Variants in CFAP299 observed in about 807,000 individuals in gnomAD.
CFAP299 encodes cilia- and flagella-associated protein 299.
A neutral mutation model predicts 27.0 loss-of-function variants in CFAP299; 21 were observed. That is an observed-to-expected ratio of 0.78 (90% CI 0.55 to 1.12). CFAP299 has a LOEUF of 1.12. Ranked by LOEUF, CFAP299 falls within the 50% of genes most tolerant of loss-of-function variation. The pLI, the probability that CFAP299 is intolerant of heterozygous loss-of-function variation, is 0.00. For synonymous variants in CFAP299, 104 were observed against 98.1 expected, an observed-to-expected ratio of 1.06 and a Z score of -0.36; for missense variants, 310 against 276.6, an observed-to-expected ratio of 1.12 and a Z score of -0.86.
chr4:80,802,594 A>G (rs899850690), intron 3 of CFAP299, among the ~76,000 whole-genome samples: 2 of 152,036 alleles, frequency 1.3e-5, no homozygotes, highest in African/African-American at 4.8e-5. Context: ...TTTGAAACCT[A>G]TAGTATATAG....
At chr4:80,497,718 A>C (rs1353910229) in intron 2 of CFAP299, among the ~76,000 whole-genome samples, 1 of 152,186 alleles carries the variant, frequency 6.6e-6, no homozygotes, top group Non-Finnish European at 1.5e-5. Context: ...ACTGCATATT[A>C]TGAACAACAT....
intron 3 of CFAP299, among the ~76,000 whole-genome samples, chr4:80,724,987 G>A (rs1723071220): frequency 6.9e-6 from 1 of 145,514 alleles, no homozygotes; most frequent in Admixed American, 7.1e-5. Context: ...TTGCTGTGTT[G>A]CCCATGCTGG....
intron 2 of CFAP299, among the ~76,000 whole-genome samples, chr4:80,486,575 A>T (rs923386086): frequency 1.3e-5 from 2 of 152,228 alleles, no homozygotes; most frequent in Admixed American, 6.5e-5. Flanking sequence ...ATCTGTGAGG[A>T]TGCAATGCAA....
At chr4:80,628,406 A>G (rs1739027087) in intron 3 of CFAP299, among the ~76,000 whole-genome samples, 1 of 152,118 alleles carries the variant, frequency 6.6e-6, no homozygotes, top group Non-Finnish European at 1.5e-5. Context: ...GAGAAAAACT[A>G]TGACATTTAT....
chr4:80,354,656 ATCT>A (rs1225391507), intron 1 of CFAP299, among the ~76,000 whole-genome samples: 1 of 151,988 alleles, frequency 6.6e-6, no homozygotes, highest in Non-Finnish European at 1.5e-5. Flanking sequence ...GTTTTTCCTG[ATCT>A]TCTTCCTTCT....
intron 2 of CFAP299, among the ~76,000 whole-genome samples, chr4:80,558,564 A>G (rs1466395383): frequency 1.3e-5 from 2 of 151,924 alleles, no homozygotes. Flanking sequence ...TTGACTCAGA[A>G]TAGTTAAAAT....
chr4:80,562,303 A>T (rs1310384103), intron 2 of CFAP299, among the ~76,000 whole-genome samples: 1 of 152,076 alleles, frequency 6.6e-6, no homozygotes, highest in Non-Finnish European at 1.5e-5. Flanking sequence ...TTACGTATCA[A>T]TAATAACATT....
chr4:80,575,122 T>C (rs1735786789), intron 2 of CFAP299, among the ~76,000 whole-genome samples: 2 of 152,236 alleles, frequency 1.3e-5, no homozygotes, highest in South Asian at 4.1e-4. Flanking sequence ...ACTTTTAATT[T>C]CAGCTTTAAT....
intron 5 of CFAP299, among the ~76,000 whole-genome samples, chr4:80,951,543 G>A (rs938318353): frequency 2.0e-5 from 3 of 152,084 alleles, no homozygotes; most frequent in African/African-American, 7.2e-5. Flanking sequence ...TTGATTAGGA[G>A]CAATTCCTAT....
chr4:80,601,597 T>C (rs1188141228), intron 3 of CFAP299, among the ~76,000 whole-genome samples: 2 of 152,022 alleles, frequency 1.3e-5, no homozygotes, highest in African/African-American at 2.4e-5. Flanking sequence ...CATTGTTGTA[T>C]TTTTTCCCCT....
intron 2 of CFAP299, among the ~76,000 whole-genome samples, chr4:80,436,344 G>C (rs1396356949): frequency 6.6e-6 from 1 of 150,570 alleles, no homozygotes; most frequent in African/African-American, 2.5e-5. Flanking sequence ...TGTTGCCCAG[G>C]CTGGAGTGCA....
chr4:80,798,972 C>G (rs1301227164), intron 3 of CFAP299, among the ~76,000 whole-genome samples: 1 of 150,620 alleles, frequency 6.6e-6, no homozygotes, highest in East Asian at 1.9e-4. Context: ...GTAGCCAACT[C>G]CAGAAACCCC....
chr4:80,563,776 T>C (rs1047684196), intron 2 of CFAP299, among the ~76,000 whole-genome samples: 6 of 151,318 alleles, frequency 4.0e-5, no homozygotes, highest in Non-Finnish European at 7.4e-5. Context: ...TTTTGAAAAG[T>C]TAAACAAAAT....
intron 3 of CFAP299, among the ~76,000 whole-genome samples, chr4:80,854,830 A>C (rs1196634145): frequency 6.6e-6 from 1 of 151,184 alleles, no homozygotes; most frequent in Non-Finnish European, 1.5e-5. Context: ...AAAAAAAAAA[A>C]AAAAAAACAG....
At position 80,756,907 on chromosome 4, in the gene CFAP299, A is replaced by G. The variant is rs576991857; in HGVS notation, c.334-113086A>G. ...AGAGGTAAATGTTGTAATCATTGTC[A>G]TAGAATTAATGGCCTCCTAAAATAT... On this transcript the variant is annotated intron_variant, in intron 3 of 5. Transcript: ENST00000358105. 9.8e-5 allele frequency among the ~76,000 whole-genome samples: 15 copies of G among 152,362 alleles called. 1 individual carries two copies. The highest frequency in any genetic ancestry group is 3.4e-4 in the African/African-American group (14 of 41,592).
chr4:80,343,796 G>A (rs1396864306), intron 1 of CFAP299, among the ~76,000 whole-genome samples: 42 of 32,930 alleles, frequency 1.3e-3, no homozygotes, highest in African/African-American at 4.9e-3. Context: ...GCGAGACTCC[G>A]TCTAAAAAAA....
intron 3 of CFAP299, among the ~76,000 whole-genome samples, chr4:80,633,447 C>G (rs1320420051): frequency 6.6e-6 from 1 of 152,070 alleles, no homozygotes; most frequent in Non-Finnish European, 1.5e-5. Context: ...GAGTAAGGCT[C>G]TGTCTCAATA....
chr4:80,835,782 G>A (rs1385677743), intron 3 of CFAP299, among the ~76,000 whole-genome samples: 1 of 152,084 alleles, frequency 6.6e-6, no homozygotes, highest in East Asian at 1.9e-4. Flanking sequence ...TGTGAGAGAA[G>A]GACTGCTTTA....
chr4:80,439,894 G>A (rs1480003545), intron 2 of CFAP299, among the ~76,000 whole-genome samples: 1 of 152,182 alleles, frequency 6.6e-6, no homozygotes, highest in Non-Finnish European at 1.5e-5. Context: ...ACTGAGGCTT[G>A]AGTAAGTGGT....
Sources: allele counts gnomAD v4.1 joint callset (sites outside exome capture counted in the v4.1 genomes callset), GRCh38; gene constraint gnomAD v4.1.1; transcripts MANE v1.5; gene names NCBI Gene and HGNC (gene_info 2026-07-23, HGNC 2026-07-21).